ELOVL6: variants seen among roughly 807,000 people sequenced by gnomAD.
The protein encoded by ELOVL6 is ELOVL fatty acid elongase 6.
In ELOVL6, 8 loss-of-function variants were observed where a neutral mutation model predicts 31.7. The observed-to-expected ratio is 0.25, with a 90% CI of 0.15 to 0.45. ELOVL6 has a LOEUF of 0.45. Among genes scored for constraint, ELOVL6 ranks in the 20% least tolerant of loss-of-function variants. The pLI, the probability that ELOVL6 is intolerant of heterozygous loss-of-function variation, is 1.00. For synonymous variants in ELOVL6, 101 were observed against 117.7 expected, an observed-to-expected ratio of 0.86 and a Z score of 0.92; for missense variants, 126 against 326.4, an observed-to-expected ratio of 0.39 and a Z score of 4.73.
chr4:110,083,444 C>T (rs1056983665), intron 2 of ELOVL6, among the ~76,000 whole-genome samples: 12 of 151,600 alleles, frequency 7.9e-5, no homozygotes, highest in Non-Finnish European at 1.5e-4. Context: ...ACGCTTGGTA[C>T]GAGCCCAGAG....
intron 1 of ELOVL6, among the ~76,000 whole-genome samples, chr4:110,138,506 C>T (rs982797705): frequency 1.1e-4 from 16 of 152,130 alleles, no homozygotes; most frequent in Admixed American, 2.6e-4. Flanking sequence ...ATCAAAGAGA[C>T]GGTGTTAGCA....
intron 1 of ELOVL6, among the ~76,000 whole-genome samples, chr4:110,140,771 T>TA (rs1172969347): frequency 2.7e-5 from 4 of 150,644 alleles, no homozygotes; most frequent in African/African-American, 7.3e-5. Context: ...TGAATATATA[T>TA]TATTATTATA....
At chr4:110,067,188 T>C (rs1303836060) in intron 2 of ELOVL6, among the ~76,000 whole-genome samples, 1 of 152,238 alleles carries the variant, frequency 6.6e-6, no homozygotes, top group Non-Finnish European at 1.5e-5. Context: ...TCAGAGTGTA[T>C]AACTTCACTT....
intron 1 of ELOVL6, among the ~76,000 whole-genome samples, chr4:110,122,437 TG>T (rs1757381502): frequency 6.6e-6 from 1 of 152,222 alleles, no homozygotes; most frequent in African/African-American, 2.4e-5. Context: ...TTGTGCAGGC[TG>T]GAATGCAGTG....
chr4:110,158,602 C>T lies in ELOVL6; in HGVS notation c.89+39645G>A, dbSNP rs1452264694. 1.7e-4 allele frequency among the ~76,000 whole-genome samples: 22 copies of T among 131,190 alleles called. No homozygotes were observed. The East Asian group carries it at 2.5e-3, about 15-fold the overall frequency. 86.1% of individuals were successfully genotyped at this position (131,190 alleles called of 152,430 possible). A position where few individuals can be genotyped will look rare whatever the true frequency, so the allele number is the denominator to read the frequency against. On this transcript the variant is annotated intron_variant, in intron 1 of 3. Transcript: ENST00000302274. Reference sequence around the variant, plus strand: ...ATATATATGTATATATATACACACACACACATATATATACACACACATATA... The same window carrying T: ...ATATATATGTATATATATACACACATACACATATATATACACACACATATA...
chr4:110,098,640 T>C (rs1346334315), intron 2 of ELOVL6, among the ~76,000 whole-genome samples: 1 of 152,150 alleles, frequency 6.6e-6, no homozygotes, highest in African/African-American at 2.4e-5. Flanking sequence ...TTACTACATA[T>C]ATATTCATAA....
At chr4:110,165,657 A>C (rs989649474) in intron 1 of ELOVL6, among the ~76,000 whole-genome samples, 2 of 152,192 alleles carry the variant, frequency 1.3e-5, no homozygotes, top group African/African-American at 4.8e-5. Context: ...TCTCATCTGA[A>C]TCACACACAG....
chr4:110,111,446 G>A (rs1001857), intron 1 of ELOVL6, among the ~76,000 whole-genome samples: 76,408 of 144,874 alleles, frequency 0.53, 19,566 homozygotes, highest in East Asian at 0.62. Context: ...TTTTTCTTCT[G>A]TTAGGTTTAA....
chr4:110,110,943 C>T (rs916942992), intron 1 of ELOVL6, among the ~76,000 whole-genome samples: 2 of 151,998 alleles, frequency 1.3e-5, no homozygotes, highest in South Asian at 4.1e-4. Flanking sequence ...TTTTTGCTTC[C>T]CCCTCCAGAT....
At chr4:110,118,562 A>C (rs1055657177) in intron 1 of ELOVL6, among the ~76,000 whole-genome samples, 4 of 152,228 alleles carry the variant, frequency 2.6e-5, no homozygotes, top group African/African-American at 9.6e-5. Flanking sequence ...AGGTTTATCC[A>C]TGTAGTCACA....
intron 1 of ELOVL6, among the ~76,000 whole-genome samples, chr4:110,148,600 A>G (rs1190624627): frequency 6.6e-6 from 1 of 152,182 alleles, no homozygotes; most frequent in Non-Finnish European, 1.5e-5. Context: ...ATAGTCAATA[A>G]TTTAATTTTA....
chr4:110,047,728 A>T lies in ELOVL6; in HGVS notation c.*3610T>A, dbSNP rs1266883510. On this transcript the variant is annotated 3_prime_UTR_variant, in exon 4 of 4. Coordinates refer to ENST00000302274, the MANE Select transcript of ELOVL6 (RefSeq NM_024090.3). ...AACATGGTGAAACCCTGTCTCTACTAAAAATACAAAAATTAGCTGGGTGTG... is the reference window on the plus strand; with the variant it reads ...AACATGGTGAAACCCTGTCTCTACTTAAAATACAAAAATTAGCTGGGTGTG... 1 of 152,040 alleles carries T rather than the reference A, an allele frequency of 6.6e-6. No individual in the cohort carries two copies. Among genetic ancestry groups the T allele is most frequent in the Admixed American group, 6.5e-5 (1 of 15,272 alleles). The allele number at this position is 152,040 out of a possible 1,614,324, so 9.4% of individuals were successfully genotyped here. A position where few individuals can be genotyped will look rare whatever the true frequency, so the allele number is the denominator to read the frequency against.
At chr4:110,177,973 A>C in intron 1 of ELOVL6, among the ~76,000 whole-genome samples, 1 of 152,158 alleles carries the variant, frequency 6.6e-6, no homozygotes, top group East Asian at 1.9e-4. Flanking sequence ...CAATTGTAAT[A>C]CTATTATTCA....
chr4:110,138,642 A>G (rs1757872158), intron 1 of ELOVL6, among the ~76,000 whole-genome samples: 1 of 152,042 alleles, frequency 6.6e-6, no homozygotes, highest in African/African-American at 2.4e-5. Flanking sequence ...CATTCAAAGG[A>G]AAAGAAAGTG....
At chr4:110,080,493 C>A (rs1249869146) in intron 2 of ELOVL6, among the ~76,000 whole-genome samples, 1 of 152,216 alleles carries the variant, frequency 6.6e-6, no homozygotes, top group African/African-American at 2.4e-5. Context: ...ACAAAAACCA[C>A]ATGATTATCT....
At chr4:110,151,507 A>G (rs1273315682) in intron 1 of ELOVL6, among the ~76,000 whole-genome samples, 2 of 152,130 alleles carry the variant, frequency 1.3e-5, no homozygotes, top group South Asian at 2.1e-4. Flanking sequence ...GGGATGTTCA[A>G]TTTGTACCAT....
intron 1 of ELOVL6, among the ~76,000 whole-genome samples, chr4:110,174,164 C>CTTT (rs1332367998): frequency 1.5e-5 from 2 of 133,620 alleles, no homozygotes; most frequent in African/African-American, 5.4e-5. Flanking sequence ...GAAAGACAGT[C>CTTT]TTTTTTTTTT....
rs548649598 is a variant in ELOVL6, at chr4:110,093,481, C to A, written c.221+12016G>T. ...GTTCCTGTGAGAATGAGAAGCCACC[C>A]TTTGCCTATACATAAACTTGCAGTT... On this transcript the variant is annotated intron_variant, in intron 2 of 3. Coordinates refer to ENST00000302274, the MANE Select transcript of ELOVL6 (RefSeq NM_024090.3). Among the ~76,000 whole-genome samples, 177 of 152,312 alleles carry A rather than the reference C, an allele frequency of 1.2e-3. 1 individual carries two copies. Among genetic ancestry groups the A allele is most frequent in the Non-Finnish European group, 1.7e-3 (114 of 68,030 alleles).
chr4:110,077,671 A>T lies in ELOVL6; in HGVS notation c.222-17917T>A, dbSNP rs183845757. Among the ~76,000 whole-genome samples the T allele has an allele frequency of 3.5e-3, 531 of 152,254 alleles. 3 individuals are homozygous for T. The highest frequency in any genetic ancestry group is 0.012 in the African/African-American group (510 of 41,538). ...GAGCAGAAAAACTGGAAACTCTAAA[A>T]ATCAGAGCACCTCTCCTCCCCCAAA... On this transcript the variant is annotated intron_variant, in intron 2 of 3. Transcript: ENST00000302274.
Sources: gnomAD v4.1 joint callset for allele counts (sites outside exome capture counted in the v4.1 genomes callset) on GRCh38, gnomAD v4.1.1 for gene constraint, MANE v1.5 for transcripts, NCBI Gene and HGNC (gene_info 2026-07-23, HGNC 2026-07-21) for gene names.